PALM2AKAP2: variants seen among roughly 807,000 people sequenced by gnomAD.
PALM2AKAP2 encodes the protein PALM2-AKAP2 fusion protein.
Under a neutral mutation model 71.5 loss-of-function variants are expected in PALM2AKAP2, and 37 were observed. The ratio of observed to expected loss-of-function variants is 0.52; its 90% CI spans 0.40 to 0.68. The LOEUF (loss-of-function observed/expected upper bound fraction) is 0.68, where lower values mean the gene tolerates loss of function less well. Among genes scored for constraint, PALM2AKAP2 ranks in the 30% least tolerant of loss-of-function variants. PALM2AKAP2 has a pLI of 0.00. For missense variants in PALM2AKAP2, 1,224 were observed against 1,191.8 expected, an observed-to-expected ratio of 1.03 and a Z score of -0.40; for synonymous variants, 468 against 478.8, an observed-to-expected ratio of 0.98 and a Z score of 0.29.
chr9:109,778,917 T>C (rs1025128923), upstream of PALM2AKAP2, among the ~76,000 whole-genome samples: 6 of 151,882 alleles, frequency 4.0e-5, no homozygotes, highest in African/African-American at 1.5e-4. Flanking sequence ...TACAGGTGCC[T>C]GCCACCACGC....
At chr9:110,028,946 T>TAA (rs1833229985) in intron 7 of PALM2AKAP2, among the ~76,000 whole-genome samples, 1 of 135,602 alleles carries the variant, frequency 7.4e-6, no homozygotes. Flanking sequence ...GGGTTCTTTT[T>TAA]GAAAAAAAAA....
intron 1 of PALM2AKAP2, among the ~76,000 whole-genome samples, chr9:110,105,103 A>C (rs1309910305): frequency 6.6e-6 from 1 of 152,240 alleles, no homozygotes; most frequent in Non-Finnish European, 1.5e-5. Flanking sequence ...CCCTTTCTAG[A>C]CTGTTAATTC....
At chr9:109,822,904 G>T (rs1037188453) in intron 1 of PALM2AKAP2, among the ~76,000 whole-genome samples, 1 of 152,110 alleles carries the variant, frequency 6.6e-6, no homozygotes, top group African/African-American at 2.4e-5. Context: ...TTGCTGGGTC[G>T]AATGGTAGCT....
At chr9:109,949,743 C>T (rs1831591883) in intron 6 of PALM2AKAP2, among the ~76,000 whole-genome samples, 1 of 152,122 alleles carries the variant, frequency 6.6e-6, no homozygotes, top group South Asian at 2.1e-4. Flanking sequence ...AGATAGATGG[C>T]TTGATAGCTC....
chr9:109,794,660 G>A (rs924761315), intron 1 of PALM2AKAP2, among the ~76,000 whole-genome samples: 1 of 152,154 alleles, frequency 6.6e-6, no homozygotes, highest in African/African-American at 2.4e-5. Context: ...GCCAGTGGTA[G>A]CAGGATCGAC....
chr9:109,806,659 A>C (rs369350293), intron 1 of PALM2AKAP2, among the ~76,000 whole-genome samples: 12 of 152,282 alleles, frequency 7.9e-5, no homozygotes, highest in African/African-American at 2.9e-4. Flanking sequence ...ATCTGGGGGA[A>C]ACACACTTCT....
chr9:109,888,870 T>C (rs898060697), intron 3 of PALM2AKAP2, among the ~76,000 whole-genome samples: 1 of 152,186 alleles, frequency 6.6e-6, no homozygotes, highest in Non-Finnish European at 1.5e-5. Context: ...TTTAGTAGCA[T>C]CCCTGGCCTC....
intron 1 of PALM2AKAP2, chr9:109,641,018 C>T: frequency 8.0e-7 from 1 of 1,246,514 alleles, no homozygotes; most frequent in Non-Finnish European, 1.1e-6. Context: ...ATAGCAGCCG[C>T]CGCGGCGGCA....
chr9:109,648,073 G>GAATCAGATCT (rs1193950876), intron 1 of PALM2AKAP2, among the ~76,000 whole-genome samples: 1 of 152,212 alleles, frequency 6.6e-6, no homozygotes, highest in Non-Finnish European at 1.5e-5. Context: ...ATGATAGTGA[G>GAATCAGATCT]TGAATTCTCA....
chr9:109,950,456 T>A (rs62580182), intron 6 of PALM2AKAP2, among the ~76,000 whole-genome samples: 3,695 of 152,170 alleles, frequency 0.024, 75 homozygotes, highest in Middle Eastern at 0.044. Flanking sequence ...TTCTGTCAAA[T>A]TCCTGAAGTC....
chr9:110,050,916 C>T (rs1248359932), intron 1 of PALM2AKAP2, among the ~76,000 whole-genome samples: 2 of 152,198 alleles, frequency 1.3e-5, no homozygotes, highest in East Asian at 3.9e-4. Flanking sequence ...GCATGAGCCA[C>T]CACACCCGGC....
At chr9:109,731,005 A>C (rs1344076137) in intron 1 of PALM2AKAP2, among the ~76,000 whole-genome samples, 1 of 152,210 alleles carries the variant, frequency 6.6e-6, no homozygotes, top group African/African-American at 2.4e-5. Context: ...TTGCTTTCCA[A>C]CCGGGGACTG....
chr9:110,151,678 T>G (rs1836318204), intron 2 of PALM2AKAP2, among the ~76,000 whole-genome samples: 2 of 152,224 alleles, frequency 1.3e-5, no homozygotes, highest in Non-Finnish European at 2.9e-5. Context: ...AAGGCTTAAG[T>G]CTAAAATTAC....
intron 1 of PALM2AKAP2, among the ~76,000 whole-genome samples, chr9:109,818,910 A>G (rs868132919): frequency 2.6e-5 from 4 of 152,210 alleles, no homozygotes; most frequent in Middle Eastern, 3.2e-3. Context: ...TTCACTTGGA[A>G]CATCCAGTTG....
intron 6 of PALM2AKAP2, among the ~76,000 whole-genome samples, chr9:109,983,503 C>G (rs1832315997): frequency 6.6e-6 from 1 of 152,056 alleles, no homozygotes; most frequent in Non-Finnish European, 1.5e-5. Context: ...GTTTTCTTAA[C>G]CCCATATTCT....
At chr9:110,048,045 C>G (rs1053150046), upstream of PALM2AKAP2, among the ~76,000 whole-genome samples, 1 of 152,222 alleles carries the variant, frequency 6.6e-6, no homozygotes, top group Non-Finnish European at 1.5e-5. Context: ...CAGGAAGGCT[C>G]TGGCGAGCCA....
chr9:110,101,721 C>G (rs992305496), intron 1 of PALM2AKAP2, among the ~76,000 whole-genome samples: 3 of 152,212 alleles, frequency 2.0e-5, no homozygotes, highest in Non-Finnish European at 2.9e-5. Flanking sequence ...GTGGGCCAGC[C>G]TGAAACCATC....
chr9:109,770,575 AAAG>A (rs1381800767), intron 1 of PALM2AKAP2, among the ~76,000 whole-genome samples: 1 of 152,238 alleles, frequency 6.6e-6, no homozygotes, highest in African/African-American at 2.4e-5. Context: ...TACAGCATCA[AAAG>A]ACCTTGGATT....
At chr9:109,747,492 A>T (rs1264310445) in intron 1 of PALM2AKAP2, among the ~76,000 whole-genome samples, 1 of 152,200 alleles carries the variant, frequency 6.6e-6, no homozygotes, top group African/African-American at 2.4e-5. Context: ...CATAAGAAGA[A>T]CCAAAGAACC....
Sources: allele counts gnomAD v4.1 joint callset (sites outside exome capture counted in the v4.1 genomes callset), GRCh38; gene constraint gnomAD v4.1.1; transcripts MANE v1.5; gene names NCBI Gene and HGNC (gene_info 2026-07-23, HGNC 2026-07-21).